The following EPHA3 variants were observed in gnomAD, a reference collection of about 807,000 sequenced individuals.
EPHA3 encodes the protein EPH receptor A3, also known as ephrin type-A receptor 3.
EPHA3 carries 42 observed loss-of-function variants against 107.1 expected under a neutral mutation model. The ratio of observed to expected loss-of-function variants is 0.39; its 90% CI spans 0.31 to 0.51. The LOEUF (loss-of-function observed/expected upper bound fraction) is 0.51. EPHA3 is among the 20% of genes least tolerant of loss of function. The probability of loss-of-function intolerance (pLI) is 0.78; values close to 1 mark genes in which losing one functional copy is unlikely to be tolerated. For missense variants in EPHA3, 1,183 were observed against 1,211.2 expected (o/e 0.98, Z 0.35); for synonymous variants, 461 against 424.8 (o/e 1.09, Z -1.05).
intron 5 of EPHA3, among the ~76,000 whole-genome samples, chr3:89,343,949 AT>A (rs1190833738): frequency 6.6e-6 from 1 of 152,212 alleles, no homozygotes; most frequent in African/African-American, 2.4e-5. Context: ...ATGGGAAAAA[AT>A]GAGTACTGCA....
chr3:89,364,795 C>G (rs1203080362), intron 5 of EPHA3, among the ~76,000 whole-genome samples: 1 of 150,906 alleles, frequency 6.6e-6, no homozygotes, highest in Non-Finnish European at 1.5e-5. Flanking sequence ...CAGTGTAATA[C>G]AGAGATTGTA....
chr3:89,157,680 G>T (rs1313888875), intron 2 of EPHA3, among the ~76,000 whole-genome samples: 4 of 151,950 alleles, frequency 2.6e-5, no homozygotes, highest in African/African-American at 7.2e-5. Context: ...GCGGGCTGAT[G>T]ATGTATGTAT....
At chr3:89,265,980 CTTG>C (rs1482389198) in intron 3 of EPHA3, among the ~76,000 whole-genome samples, 3 of 152,008 alleles carry the variant, frequency 2.0e-5, no homozygotes, top group East Asian at 1.9e-4. Flanking sequence ...TGCTTAGGAA[CTTG>C]TTGTTACTCA....
At chr3:89,316,188 A>T (rs1706895532) in intron 3 of EPHA3, among the ~76,000 whole-genome samples, 1 of 151,632 alleles carries the variant, frequency 6.6e-6, no homozygotes, top group Admixed American at 6.6e-5. Flanking sequence ...GGAGAAAATC[A>T]CCCTGAATTA....
chr3:89,164,760 T>G lies in EPHA3; in HGVS notation c.153+37487T>G, dbSNP rs142109259. On this transcript the variant is annotated intron_variant, in intron 2 of 16. Coordinates refer to ENST00000336596, the MANE Select transcript of EPHA3 (RefSeq NM_005233.6). ...TACTCTCTAGAGAGCATACAATTAGTGTTAATAGAATGTGTGCTGGTAGGA... is the reference window on the plus strand; with the variant it reads ...TACTCTCTAGAGAGCATACAATTAGGGTTAATAGAATGTGTGCTGGTAGGA... 5.6e-3 allele frequency among the ~76,000 whole-genome samples: 859 copies of G among 152,242 alleles called. 3 individuals are homozygous for G. Among genetic ancestry groups the G allele is most frequent in the Admixed American group, 0.011 (162 of 15,298 alleles).
intron 11 of EPHA3, among the ~76,000 whole-genome samples, chr3:89,428,520 T>C (rs1012823891): frequency 1.3e-5 from 2 of 152,084 alleles, no homozygotes; most frequent in African/African-American, 4.8e-5. Flanking sequence ...AACATAGCAT[T>C]CATTTCATAA....
chr3:89,399,824 G>C (rs115944477), intron 7 of EPHA3: 1 of 1,094,182 alleles, frequency 9.1e-7, no homozygotes, highest in African/African-American at 1.6e-5. Context: ...GGTTCATTGC[G>C]TGATTCAATG....
chr3:89,397,559 A>G (rs959254263), intron 6 of EPHA3, among the ~76,000 whole-genome samples: 1 of 151,918 alleles, frequency 6.6e-6, no homozygotes, highest in Non-Finnish European at 1.5e-5. Flanking sequence ...CTCCCTCAAC[A>G]AATGCAACAA....
At chr3:89,204,833 A>G (rs940551213) in intron 2 of EPHA3, among the ~76,000 whole-genome samples, 8 of 152,166 alleles carry the variant, frequency 5.3e-5, no homozygotes, top group African/African-American at 1.7e-4. Context: ...TGAAATGGCT[A>G]TGAGTGTACA....
intron 3 of EPHA3, among the ~76,000 whole-genome samples, chr3:89,241,014 T>A (rs6776281): frequency 0.26 from 39,945 of 151,710 alleles, 5,518 homozygotes; most frequent in African/African-American, 0.31. Context: ...ATTTATCTTT[T>A]AAAAAAATTT....
intron 16 of EPHA3, among the ~76,000 whole-genome samples, chr3:89,476,609 A>ATTTT (rs1202047021): frequency 7.4e-6 from 1 of 134,564 alleles, no homozygotes; most frequent in African/African-American, 2.6e-5. Context: ...TTATTTATTT[A>ATTTT]TTTATTTAAT....
At chr3:89,413,105 A>G (rs1460522048) in intron 9 of EPHA3, 36 bp from the exon 10 acceptor site, 3 of 1,608,920 alleles carry the variant, frequency 1.9e-6, no homozygotes, top group Non-Finnish European at 1.7e-6. Context: ...GTACAAATCT[A>G]GCTACAATTG....
intron 2 of EPHA3, among the ~76,000 whole-genome samples, chr3:89,143,498 A>G (rs1704474499): frequency 6.6e-6 from 1 of 151,598 alleles, no homozygotes; most frequent in Non-Finnish European, 1.5e-5. Flanking sequence ...CACTAGAGCT[A>G]TCAAAGTCAA....
intron 2 of EPHA3, among the ~76,000 whole-genome samples, chr3:89,139,358 G>A (rs1559748920): frequency 6.6e-6 from 1 of 151,770 alleles, no homozygotes; most frequent in Non-Finnish European, 1.5e-5. Context: ...AGTCAATTTG[G>A]TAAACTGTGT....
At chr3:89,401,341 G>A (rs184981353) in intron 7 of EPHA3, among the ~76,000 whole-genome samples, 154 of 152,250 alleles carry the variant, frequency 1.0e-3, no homozygotes, top group Non-Finnish European at 1.8e-3. Context: ...CCTCAAATAC[G>A]TAAATCTATT....
intron 2 of EPHA3, among the ~76,000 whole-genome samples, chr3:89,187,595 G>T (rs921059791): frequency 7.9e-5 from 12 of 151,920 alleles, no homozygotes; most frequent in Non-Finnish European, 4.4e-5. Flanking sequence ...TTGAGCTGAT[G>T]AATATCAGTG....
intron 5 of EPHA3, among the ~76,000 whole-genome samples, chr3:89,342,895 A>AC (rs1413561888): frequency 3.8e-4 from 58 of 151,066 alleles, no homozygotes; most frequent in African/African-American, 1.4e-3. Flanking sequence ...ACACACACAC[A>AC]AACATTGGAG....
At chr3:89,218,459 C>T (rs1050860384) in intron 3 of EPHA3, among the ~76,000 whole-genome samples, 14 of 151,944 alleles carry the variant, frequency 9.2e-5, no homozygotes, top group Non-Finnish European at 1.5e-4. Context: ...TTACAAAGGA[C>T]CTGAACTCAC....
At chr3:89,213,558 C>T (rs1443750682) in intron 3 of EPHA3, among the ~76,000 whole-genome samples, 4 of 151,892 alleles carry the variant, frequency 2.6e-5, no homozygotes, top group African/African-American at 7.2e-5. Flanking sequence ...TCTGACTTCT[C>T]GTTAGAATAA....
Sources: gnomAD v4.1 joint callset for allele counts (sites outside exome capture counted in the v4.1 genomes callset) on GRCh38, gnomAD v4.1.1 for gene constraint, MANE v1.5 for transcripts, NCBI Gene and HGNC (gene_info 2026-07-23, HGNC 2026-07-21) for gene names.